Variants in UBR1 observed in about 807,000 individuals in gnomAD.
UBR1 encodes ubiquitin protein ligase E3 component n-recognin 1, also known as E3 ubiquitin-protein ligase UBR1.
A neutral mutation model predicts 242.1 loss-of-function variants in UBR1; 102 were observed. The ratio of observed to expected loss-of-function variants is 0.42; its 90% CI spans 0.36 to 0.50. UBR1 has a LOEUF of 0.50. Ranked by LOEUF, UBR1 falls within the 20% of genes least tolerant of loss-of-function variation. The probability of loss-of-function intolerance (pLI) is 0.01; values close to 1 mark genes in which losing one functional copy is unlikely to be tolerated. For synonymous variants in UBR1, 675 were observed against 684.8 expected, an observed-to-expected ratio of 0.99 and a Z score of 0.22; for missense variants, 1,772 against 2,101.8, an observed-to-expected ratio of 0.84 and a Z score of 3.07.
Position 42,945,485 on chromosome 15 carries a change from G to GA in UBR1, c.5109-16dup, listed in dbSNP as rs1567103721. On this transcript the variant is annotated splice_polypyrimidine_tract_variant and intron_variant, in intron 46 of 46. Transcript: ENST00000290650. ...GGTTGCCCCTCCTTTAGGGAAAAAA[G>GA]AAAAAACAACATGTAAGTTTGAATC... 1 of 1,613,566 alleles carries GA rather than the reference G, an allele frequency of 6.2e-7. No homozygotes were observed.
Position 42,958,052 on chromosome 15 carries a change from T to A in UBR1, c.4796A>T (p.Asp1599Val). 1 of 1,613,698 alleles carries A rather than the reference T, an allele frequency of 6.2e-7. No individual in the cohort carries two copies. The highest frequency in any genetic ancestry group is 1.3e-5 in the African/African-American group (1 of 75,036). ...RKRNSLIELPDDYSCLLNQAS... is the reference protein window; with the variant it reads ...RKRNSLIELPVDYSCLLNQAS... ...TTGATTCAGGAGGCAGCTATAGTCA[T>A]CAGGAAGCTCTATCAAACTATTTCT... is the stretch of plus-strand genomic sequence containing the variant. Residue 1599 changes from aspartate to valine, a missense_variant, in exon 44 of 47, where the codon GAT (aspartate) becomes GTT (valine). By Grantham distance (152) the Asp-to-Val change is radical. This residue lies in a region of UBR1 where 965 missense variants were observed against 1,079.7 expected (regional missense o/e 0.89). Coordinates refer to ENST00000290650, the MANE Select transcript of UBR1 (RefSeq NM_174916.3).
At chr15:43,038,469 C>T (rs1225759505) in intron 15 of UBR1, among the ~76,000 whole-genome samples, 1 of 152,072 alleles carries the variant, frequency 6.6e-6, no homozygotes, top group Non-Finnish European at 1.5e-5. Context: ...TTAGCCGGGC[C>T]TGTAATCCTA....
intron 46 of UBR1, among the ~76,000 whole-genome samples, chr15:42,948,109 A>C (rs2141247052): frequency 6.6e-6 from 1 of 152,346 alleles, no homozygotes; most frequent in African/African-American, 2.4e-5. Context: ...GGAACAGAAC[A>C]GAGCCCTCAG....
At chr15:43,002,758 T>C (rs932936938) in intron 31 of UBR1, 54 bp from the exon 32 acceptor site, 30 of 1,611,270 alleles carry the variant, frequency 1.9e-5, no homozygotes, top group Non-Finnish European at 2.3e-5. Flanking sequence ...CATCTCTACA[T>C]GTGTATCTCT....
intron 6 of UBR1, among the ~76,000 whole-genome samples, chr15:43,063,306 T>C (rs1251314614): frequency 1.3e-5 from 2 of 152,178 alleles, no homozygotes; most frequent in East Asian, 1.9e-4. Flanking sequence ...TTCCGTTCCA[T>C]ATGAAAACCG....
intron 4 of UBR1, among the ~76,000 whole-genome samples, chr15:43,072,858 T>C (rs1302536926): frequency 2.0e-5 from 3 of 152,148 alleles, no homozygotes; most frequent in Non-Finnish European, 2.9e-5. Context: ...TCATTGTATA[T>C]CATATGAAAA....
At chr15:43,018,583 T>C (rs2033062048) in intron 27 of UBR1, among the ~76,000 whole-genome samples, 1 of 151,782 alleles carries the variant, frequency 6.6e-6, no homozygotes. Context: ...AGAGATGGAG[T>C]TTTTGCCACA....
chr15:43,010,818 C>CTAAAAAAAA (rs2032912200), intron 29 of UBR1, among the ~76,000 whole-genome samples: 1 of 56,970 alleles, frequency 1.8e-5, no homozygotes, highest in African/African-American at 7.2e-5. Context: ...ACTAAAAATA[C>CTAAAAAAAA]AAAAAAAAAA....
chr15:43,025,441 T>C lies in UBR1; in HGVS notation c.2536-12A>G. 1 of 1,590,646 alleles carries C rather than the reference T, an allele frequency of 6.3e-7. No individual in the cohort carries two copies. Among genetic ancestry groups the C allele is most frequent in the Non-Finnish European group, 8.6e-7 (1 of 1,163,502 alleles). Reference sequence around the variant, plus strand: ...TGCATATGTTCAGCCTATAAAAAAATCTATCATTAAATATACTGCTTTGGA... The same window carrying C: ...TGCATATGTTCAGCCTATAAAAAAACCTATCATTAAATATACTGCTTTGGA... On this transcript the variant is annotated splice_polypyrimidine_tract_variant and intron_variant, in intron 23 of 46. Coordinates refer to ENST00000290650, the MANE Select transcript of UBR1 (RefSeq NM_174916.3).
chr15:42,978,040 A>T lies in UBR1; in HGVS notation c.4151-93T>A, dbSNP rs1229475236. 3.1e-6 allele frequency: 3 copies of T among 954,898 alleles called. No individual in the cohort carries two copies. In the African/African-American group the frequency reaches 4.8e-5, roughly 15 times the overall value. The allele number at this position is 954,898 out of a possible 1,614,324, so 59.2% of individuals were successfully genotyped here. On this transcript the variant is annotated intron_variant, in intron 37 of 46. Transcript: ENST00000290650. ...CTAAAAACACCTAAACCAAACATAT[A>T]ACAGGGTTATAAAATACAGAAACTA...
chr15:42,954,990 A>C (rs2031895654), intron 44 of UBR1, among the ~76,000 whole-genome samples: 1 of 152,036 alleles, frequency 6.6e-6, no homozygotes, highest in Non-Finnish European at 1.5e-5. Flanking sequence ...AAGATAGTGA[A>C]ACCCTGCCTC....
chr15:42,980,421 A>C (rs1377213787), intron 37 of UBR1, among the ~76,000 whole-genome samples: 1 of 152,126 alleles, frequency 6.6e-6, no homozygotes, highest in Non-Finnish European at 1.5e-5. Flanking sequence ...TCTACTTCTT[A>C]TTGGTTTTAT....
intron 29 of UBR1, among the ~76,000 whole-genome samples, chr15:43,014,866 G>A (rs796790922): frequency 0.03 from 2,748 of 91,918 alleles, no homozygotes; most frequent in Middle Eastern, 0.12. Flanking sequence ...CAGCCGCCCC[G>A]TCCCAGAGGG....
chr15:43,021,517 T>A (rs2033110603), intron 26 of UBR1, 142 bp from the exon 27 acceptor site: 1 of 714,624 alleles, frequency 1.4e-6, no homozygotes, highest in South Asian at 1.6e-5. Context: ...AGTATTTGCA[T>A]AAAATCTATA....
chr15:43,072,383 TTGTG>T (rs1351430244), intron 4 of UBR1, among the ~76,000 whole-genome samples: 27 of 152,264 alleles, frequency 1.8e-4, no homozygotes, highest in Non-Finnish European at 1.0e-4. Context: ...GAGCCACCAG[TTGTG>T]TGTATTTTAT....
chr15:43,076,849 T>A (rs1454966261), intron 3 of UBR1, among the ~76,000 whole-genome samples: 1 of 77,570 alleles, frequency 1.3e-5, no homozygotes, highest in African/African-American at 4.4e-5. Flanking sequence ...CCGCCCCTAC[T>A]GGGAAGTGAG....
intron 15 of UBR1, among the ~76,000 whole-genome samples, chr15:43,038,588 C>A (rs1441634032): frequency 6.6e-6 from 1 of 151,566 alleles, no homozygotes; most frequent in Non-Finnish European, 1.5e-5. Flanking sequence ...AGTGAGACTC[C>A]GTCTTAAAAA....
At chr15:43,103,395 C>T (rs1390480748) in intron 1 of UBR1, among the ~76,000 whole-genome samples, 2 of 152,062 alleles carry the variant, frequency 1.3e-5, no homozygotes, top group East Asian at 1.9e-4. Flanking sequence ...ATTCCCACAA[C>T]CTCAACTATA....
chr15:43,034,409 C>T (rs2033302883), intron 19 of UBR1, among the ~76,000 whole-genome samples: 2 of 151,748 alleles, frequency 1.3e-5, no homozygotes, highest in Admixed American at 6.6e-5. Context: ...CACAGCACTC[C>T]AGCCTGGGCG....
Sources: allele counts gnomAD v4.1 joint callset (sites outside exome capture counted in the v4.1 genomes callset), GRCh38; gene constraint gnomAD v4.1.1; regional missense constraint gnomAD v4.1.1; transcripts MANE v1.5; gene names NCBI Gene and HGNC (gene_info 2026-07-23, HGNC 2026-07-21).